NTMT2: variants seen among roughly 807,000 people sequenced by gnomAD.
NTMT2 encodes the protein N-terminal Xaa-Pro-Lys N-methyltransferase 2.
In NTMT2, 21 loss-of-function variants were observed where a neutral mutation model predicts 23.4. The ratio of observed to expected loss-of-function variants is 0.90; its 90% CI spans 0.64 to 1.29. The LOEUF is 1.29. Ranked by LOEUF, NTMT2 falls within the 50% of genes most tolerant of loss-of-function variation. The pLI is 0.00. For missense variants in NTMT2, 336 were observed against 352.0 expected, an observed-to-expected ratio of 0.95 and a Z score of 0.36; for synonymous variants, 131 against 127.7, an observed-to-expected ratio of 1.03 and a Z score of -0.17.
chr1:170,165,107 CT>C (rs1673354399), intron 2 of NTMT2, among the ~76,000 whole-genome samples: 1 of 152,052 alleles, frequency 6.6e-6, no homozygotes, highest in South Asian at 2.1e-4. Flanking sequence ...CAAGAGTAGG[CT>C]TTTCCCTTAA....
chr1:170,149,703 A>T (rs913306966), intron 1 of NTMT2, among the ~76,000 whole-genome samples: 1 of 152,208 alleles, frequency 6.6e-6, no homozygotes. Flanking sequence ...CTCTGAGTAT[A>T]ATTTTTCTTA....
intron 1 of NTMT2, among the ~76,000 whole-genome samples, chr1:170,157,477 G>C (rs7354854): frequency 1.3e-5 from 2 of 151,988 alleles, no homozygotes; most frequent in Non-Finnish European, 1.5e-5. Flanking sequence ...GTGATTCAGG[G>C]TACAAACACT....
chr1:170,161,073 T>C (rs773247888), intron 2 of NTMT2, among the ~76,000 whole-genome samples: 7 of 152,186 alleles, frequency 4.6e-5, no homozygotes, highest in Non-Finnish European at 1.0e-4. Flanking sequence ...GGTTGACTTA[T>C]TGATTCCCTG....
intron 1 of NTMT2, among the ~76,000 whole-genome samples, chr1:170,159,078 T>C (rs547601328): frequency 4.0e-5 from 6 of 151,194 alleles, no homozygotes; most frequent in Non-Finnish European, 8.9e-5. Flanking sequence ...ACAAGGTAAA[T>C]AATTCTAGGC....
At chr1:170,148,604 T>C (rs1673013587) in intron 1 of NTMT2, among the ~76,000 whole-genome samples, 1 of 152,192 alleles carries the variant, frequency 6.6e-6, no homozygotes, top group East Asian at 1.9e-4. Flanking sequence ...AGTACCTCTT[T>C]GATGATAGAA....
Position 170,157,673 on chromosome 1 carries a change from A to C in NTMT2, c.155-2845A>C, listed in dbSNP as rs542676048. Among the ~76,000 whole-genome samples the C allele has an allele frequency of 1.2e-3, 177 of 152,298 alleles. 2 individuals carry two copies. The highest frequency in any genetic ancestry group is 4.2e-3 in the African/African-American group (173 of 41,574). On this transcript the variant is annotated intron_variant, in intron 1 of 3. Transcript: ENST00000439373. ...GGGTTATCTGAAGAAAAATGCTCTT[A>C]GTTAAAGTGAAATAGGTATTTTTCT...
At chr1:170,162,299 G>C (rs905533403) in intron 2 of NTMT2, among the ~76,000 whole-genome samples, 2 of 152,140 alleles carry the variant, frequency 1.3e-5, no homozygotes, top group Non-Finnish European at 2.9e-5. Flanking sequence ...TAGGCCGTGG[G>C]GTTAGGCCAT....
intron 2 of NTMT2, among the ~76,000 whole-genome samples, chr1:170,163,986 A>T (rs76805544): frequency 0.052 from 7,851 of 152,128 alleles, 252 homozygotes; most frequent in Middle Eastern, 0.11. Flanking sequence ...GTGGTGTGTG[A>T]TAGTGCACAC....
Position 170,166,761 on chromosome 1 carries a change from G to A in NTMT2, c.580+10G>A, listed in dbSNP as rs1303213653. 1.3e-6 allele frequency: 2 copies of A among 1,550,910 alleles called. No homozygotes were observed. Among genetic ancestry groups the A allele is most frequent in the South Asian group, 2.4e-5 (2 of 84,054 alleles). On this transcript the variant is annotated intron_variant, in intron 3 of 3. Coordinates refer to ENST00000439373, the MANE Select transcript of NTMT2 (RefSeq NM_001136107.2). Reference sequence around the variant, plus strand: ...ATTCAGTGGGTCTCTGGTTAGTCCTGCATGACTTTCCCTCTGCTTTTCTCC... The same window carrying A: ...ATTCAGTGGGTCTCTGGTTAGTCCTACATGACTTTCCCTCTGCTTTTCTCC...
chr1:170,152,541 A>G lies in NTMT2; in HGVS notation c.154+6280A>G, dbSNP rs538710079. On this transcript the variant is annotated intron_variant, in intron 1 of 3. Transcript: ENST00000439373. ...GAAAAAAGCCCCACACAACTTTCAGAATAGGCAGCGCCCTATTTTAGAGAT... is the reference window on the plus strand; with the variant it reads ...GAAAAAAGCCCCACACAACTTTCAGGATAGGCAGCGCCCTATTTTAGAGAT... Among the ~76,000 whole-genome samples, 7 of 152,284 alleles carry G rather than the reference A, an allele frequency of 4.6e-5. No homozygotes were observed. In the East Asian group the frequency reaches 1.2e-3, roughly 25 times the overall value.
At chr1:170,151,015 A>G (rs1452884147) in intron 1 of NTMT2, among the ~76,000 whole-genome samples, 1 of 152,148 alleles carries the variant, frequency 6.6e-6, no homozygotes, top group Non-Finnish European at 1.5e-5. Context: ...TTCATTAATT[A>G]TATTATTGAG....
At chr1:170,156,359 T>C (rs1390548694) in intron 1 of NTMT2, among the ~76,000 whole-genome samples, 1 of 152,208 alleles carries the variant, frequency 6.6e-6, no homozygotes, top group Non-Finnish European at 1.5e-5. Flanking sequence ...GAACTGTCTT[T>C]TGATGTAAAT....
At chr1:170,148,771 C>T (rs1009921871) in intron 1 of NTMT2, among the ~76,000 whole-genome samples, 1 of 152,080 alleles carries the variant, frequency 6.6e-6, no homozygotes, top group Non-Finnish European at 1.5e-5. Context: ...CTATATTCCA[C>T]ACAGGCATTC....
At chr1:170,152,708 T>C (rs1571818645) in intron 1 of NTMT2, among the ~76,000 whole-genome samples, 1 of 148,442 alleles carries the variant, frequency 6.7e-6, no homozygotes, top group African/African-American at 2.5e-5. Flanking sequence ...CACTGATAAA[T>C]CCCCCCCCCA....
chr1:170,153,164 G>A lies in NTMT2; in HGVS notation c.154+6903G>A, dbSNP rs552448523. 5.9e-5 allele frequency among the ~76,000 whole-genome samples: 9 copies of A among 152,290 alleles called. No homozygotes were observed. In the South Asian group the frequency reaches 1.4e-3, roughly 25 times the overall value. ...GCCAGTGCCATGCTTCTTTTACAGCGTACAGAACTATTAGTCAATTAAATC... is the reference window on the plus strand; with the variant it reads ...GCCAGTGCCATGCTTCTTTTACAGCATACAGAACTATTAGTCAATTAAATC... On this transcript the variant is annotated intron_variant, in intron 1 of 3. Coordinates refer to ENST00000439373, the MANE Select transcript of NTMT2 (RefSeq NM_001136107.2).
chr1:170,152,640 T>C (rs145897937), intron 1 of NTMT2, among the ~76,000 whole-genome samples: 1 of 152,152 alleles, frequency 6.6e-6, no homozygotes, highest in Non-Finnish European at 1.5e-5. Flanking sequence ...ATCCAGAGAC[T>C]TGGTAATGAC....
At chr1:170,166,999 G>A (rs1198420484) in intron 3 of NTMT2, among the ~76,000 whole-genome samples, 1 of 152,162 alleles carries the variant, frequency 6.6e-6, no homozygotes, top group Admixed American at 6.5e-5. Flanking sequence ...AATGGAGCAA[G>A]TGCCTTTGGA....
At chr1:170,161,131 C>T (rs1292855233) in intron 2 of NTMT2, among the ~76,000 whole-genome samples, 1 of 152,016 alleles carries the variant, frequency 6.6e-6, no homozygotes, top group East Asian at 1.9e-4. Context: ...AACCCTGTCT[C>T]TACTAAAAAT....
At chr1:170,162,520 T>A (rs1673292676) in intron 2 of NTMT2, among the ~76,000 whole-genome samples, 2 of 152,186 alleles carry the variant, frequency 1.3e-5, no homozygotes, top group African/African-American at 4.8e-5. Flanking sequence ...ACTGTGGATA[T>A]TTATAGGTTA....
Sources: allele counts gnomAD v4.1 joint callset (sites outside exome capture counted in the v4.1 genomes callset), GRCh38; gene constraint gnomAD v4.1.1; transcripts MANE v1.5; gene names NCBI Gene and HGNC (gene_info 2026-07-23, HGNC 2026-07-21).